Variants in RETREG1 observed in about 807,000 individuals in gnomAD.
RETREG1 encodes the protein reticulophagy regulator 1, also known as family with sequence similarity 134 member B.
A neutral mutation model predicts 54.8 loss-of-function variants in RETREG1; 44 were observed. The observed-to-expected ratio is 0.80, with a 90% CI of 0.63 to 1.03. RETREG1 has a LOEUF of 1.03. Ranked by LOEUF, RETREG1 falls within the 50% of genes least tolerant of loss-of-function variation. The probability of loss-of-function intolerance (pLI) is 0.00; values close to 1 mark genes in which losing one functional copy is unlikely to be tolerated. For synonymous variants in RETREG1, 217 were observed against 238.5 expected (o/e 0.91, Z 0.83); for missense variants, 554 against 605.1 (o/e 0.92, Z 0.89).
rs1308626276 is a variant in RETREG1, at chr5:16,597,933, G to A, written c.320+18719C>T. 2.0e-5 allele frequency among the ~76,000 whole-genome samples: 3 copies of A among 151,930 alleles called. No individual in the cohort carries two copies. Among genetic ancestry groups the A allele is most frequent in the East Asian group, 3.9e-4 (2 of 5,152 alleles). On this transcript the variant is annotated intron_variant, in intron 1 of 8. Transcript: ENST00000306320. The surrounding 1 kb of genome is among the most constrained non-coding windows in gnomAD (Gnocchi z 4.3). ...ACGACTTCCTTGCCCCAGGGGTAAG[G>A]AACTACACTGGAGGGAACTGGGCAG... is the stretch of plus-strand genomic sequence containing the variant.
intron 3 of RETREG1, among the ~76,000 whole-genome samples, chr5:16,525,127 G>A (rs1233538922): frequency 7.9e-6 from 1 of 126,216 alleles, no homozygotes; most frequent in Admixed American, 7.6e-5. Flanking sequence ...TGTGCGTGGG[G>A]GACACTGTGA....
chr5:16,512,257 CAA>C (rs1406630951), intron 3 of RETREG1, among the ~76,000 whole-genome samples: 1 of 152,156 alleles, frequency 6.6e-6, no homozygotes, highest in Non-Finnish European at 1.5e-5. Flanking sequence ...TGTGGAACAG[CAA>C]AGTCAGGTGA....
At position 16,584,177 on chromosome 5, in the gene RETREG1, T is replaced by C. The variant is rs142374883; in HGVS notation, c.321-12075A>G. On this transcript the variant is annotated intron_variant, in intron 1 of 8. Coordinates refer to ENST00000306320, the MANE Select transcript of RETREG1 (RefSeq NM_001034850.3). Reference sequence around the variant, plus strand: ...GGGGTGAGGGATAGAAGATTACACATTGGGTAGTGCACACAGCTCCAGTGA... The same window carrying C: ...GGGGTGAGGGATAGAAGATTACACACTGGGTAGTGCACACAGCTCCAGTGA... Among the ~76,000 whole-genome samples, 1,194 of 152,174 alleles carry C rather than the reference T, an allele frequency of 7.8e-3. 17 individuals carry two copies. Among genetic ancestry groups the C allele is most frequent in the African/African-American group, 0.027 (1,127 of 41,510 alleles).
At chr5:16,602,169 CAG>C (rs1743071292) in intron 1 of RETREG1, among the ~76,000 whole-genome samples, 1 of 152,158 alleles carries the variant, frequency 6.6e-6, no homozygotes, top group East Asian at 1.9e-4. Flanking sequence ...GAGAAACAAA[CAG>C]AAATCAAGAA....
Position 16,478,899 on chromosome 5 carries a change from C to T in RETREG1, c.759G>A (p.Leu253=). ...TAATATATTCTCCAATTCCAAAATC[C>T]AGTTTCAGCAGAACTGACTTAATTT... is the stretch of plus-strand genomic sequence containing the variant. The part of the protein sequence containing the change: ...YSKIKSVLLK[L]DFGIGEYINQ... The change falls in exon 6 of 9, where the codon CTG becomes CTA. Residue 253 remains leucine (L), a synonymous_variant. Coordinates refer to ENST00000306320, the MANE Select transcript of RETREG1 (RefSeq NM_001034850.3). 6.2e-7 allele frequency: 1 copy of T among 1,612,372 alleles called. No individual in the cohort carries two copies. The highest frequency in any genetic ancestry group is 8.5e-7 in the Non-Finnish European group (1 of 1,178,924).
intron 3 of RETREG1, among the ~76,000 whole-genome samples, chr5:16,514,964 A>G (rs975974811): frequency 6.8e-6 from 1 of 147,824 alleles, no homozygotes; most frequent in African/African-American, 2.5e-5. Context: ...GTGTATATAT[A>G]TTATATATAT....
chr5:16,531,813 G>A (rs75191202), intron 3 of RETREG1, among the ~76,000 whole-genome samples: 2,212 of 152,266 alleles, frequency 0.015, 57 homozygotes, highest in African/African-American at 0.051. Context: ...AAATTAGCCT[G>A]TGACCATCAC....
At chr5:16,579,189 C>T (rs894210201) in intron 1 of RETREG1, among the ~76,000 whole-genome samples, 5 of 152,190 alleles carry the variant, frequency 3.3e-5, no homozygotes, top group Admixed American at 2.6e-4. Flanking sequence ...TCAGTGAGCA[C>T]AGGACTGTTC....
chr5:16,616,707 A>C lies in RETREG1; in HGVS notation c.265T>G (p.Trp89Gly), dbSNP rs1743521539. Reference protein sequence around the residue: ...LGCRADELLSWKRPLRSLLGF... With the variant: ...LGCRADELLSGKRPLRSLLGF... ...AGCAGGCTCCGCAGCGGCCTCTTCC[A>C]GCTCAGCAGCTCGTCGGCGCGGCAG... The change falls in exon 1 of 9, where the codon TGG (tryptophan) becomes GGG (glycine). Residue 89 changes from tryptophan to glycine, a missense_variant. Physicochemically the swap from Trp to Gly is radical, Grantham distance 184. Around this residue, in one of 4 missense-constraint regions of RETREG1, gnomAD observed 175 missense variants for 142.1 expected, o/e 1.23. Transcript: ENST00000306320. 1 of 1,591,220 alleles carries C rather than the reference A, an allele frequency of 6.3e-7. No individual in the cohort carries two copies.
At chr5:16,510,818 C>CAAAAAAAAAAAAAAAAAAAAAAAAAAA (rs57713373) in intron 3 of RETREG1, among the ~76,000 whole-genome samples, 1 of 75,714 alleles carries the variant, frequency 1.3e-5, no homozygotes, top group Non-Finnish European at 2.4e-5. Context: ...ACAACAACAA[C>CAAAAAAAAAAAAAAAAAAAAAAAAAAA]AAAAAAAAAA....
intron 1 of RETREG1, among the ~76,000 whole-genome samples, chr5:16,577,752 G>A (rs1409323446): frequency 6.6e-6 from 1 of 152,144 alleles, no homozygotes; most frequent in African/African-American, 2.4e-5. Context: ...TCACAGGGGC[G>A]GTTTCTCCCA....
At chr5:16,547,198 G>A (rs75510391) in intron 3 of RETREG1, among the ~76,000 whole-genome samples, 4,781 of 152,294 alleles carry the variant, frequency 0.031, 236 homozygotes, top group African/African-American at 0.11. Context: ...TAAAACAGCA[G>A]CTTTGTCAGA....
chr5:16,537,784 CAGCAT>C (rs879635789), intron 3 of RETREG1, among the ~76,000 whole-genome samples: 14,168 of 152,108 alleles, frequency 0.093, 715 homozygotes, highest in African/African-American at 0.13. Flanking sequence ...ATGCAGCATG[CAGCAT>C]GCAGCACAGC....
chr5:16,500,184 C>T (rs1739643978), intron 3 of RETREG1, among the ~76,000 whole-genome samples: 1 of 152,172 alleles, frequency 6.6e-6, no homozygotes, highest in South Asian at 2.1e-4. Context: ...AGCCTATGGG[C>T]TTCTCCCAGG....
chr5:16,488,713 A>T (rs1045761397), intron 3 of RETREG1, among the ~76,000 whole-genome samples: 1 of 152,194 alleles, frequency 6.6e-6, no homozygotes, highest in Non-Finnish European at 1.5e-5. Context: ...TGGGTAGAAT[A>T]CTCAGAAGGG....
chr5:16,536,608 T>C (rs1466921383), intron 3 of RETREG1, among the ~76,000 whole-genome samples: 1 of 152,054 alleles, frequency 6.6e-6, no homozygotes, highest in Non-Finnish European at 1.5e-5. Flanking sequence ...CATTTCATTT[T>C]CTCAACATGC....
chr5:16,600,826 TCTC>T (rs1400733122), intron 1 of RETREG1, among the ~76,000 whole-genome samples: 4 of 152,030 alleles, frequency 2.6e-5, no homozygotes, highest in Non-Finnish European at 2.9e-5. Context: ...TAAACTATCT[TCTC>T]CTTTTTATTA....
rs547631596 is a variant in RETREG1 at position 16,602,240 on chromosome 5, T to TG, written c.320+14411dup. Among the ~76,000 whole-genome samples the TG allele has an allele frequency of 1.1e-4, 17 of 152,028 alleles. No homozygotes were observed. In the East Asian group the frequency reaches 3.3e-3, roughly 30 times the overall value. ...CATGAATATTCTCAAGAAGAAGAAA[T>TG]GGGGGCCTCCCCATTCAGGATGTTG... On this transcript the variant is annotated intron_variant, in intron 1 of 8. Transcript: ENST00000306320.
intron 1 of RETREG1, among the ~76,000 whole-genome samples, chr5:16,614,965 T>C (rs907363916): frequency 6.6e-6 from 1 of 152,230 alleles, no homozygotes; most frequent in African/African-American, 2.4e-5. Flanking sequence ...GCAACATTGC[T>C]GGCCTCCGTG....
Sources: gnomAD v4.1 joint callset for allele counts (sites outside exome capture counted in the v4.1 genomes callset) on GRCh38, gnomAD v4.1.1 for gene constraint, gnomAD v4.1.1 regional missense constraint, Gnocchi (gnomAD v3.1) non-coding constraint, MANE v1.5 for transcripts, NCBI Gene and HGNC (gene_info 2026-07-23, HGNC 2026-07-21) for gene names.